NAT10: variants seen among roughly 807,000 people sequenced by gnomAD.
NAT10 encodes RNA cytidine acetyltransferase.
In NAT10, 109 loss-of-function variants were observed where a neutral mutation model predicts 132.2. That is an observed-to-expected ratio of 0.82 (90% CI 0.71 to 0.97). NAT10 has a LOEUF of 0.97. Among genes scored for constraint, NAT10 ranks in the 50% least tolerant of loss-of-function variants. The pLI, the probability that NAT10 is intolerant of heterozygous loss-of-function variation, is 0.00. For synonymous variants in NAT10, 479 were observed against 478.0 expected, an observed-to-expected ratio of 1.00 and a Z score of -0.03; for missense variants, 1,184 against 1,263.4, an observed-to-expected ratio of 0.94 and a Z score of 0.95.
chr11:34,135,085 T>C, intron 18 of NAT10, 90 bp from the exon 19 acceptor site: 2 of 995,916 alleles, frequency 2.0e-6, no homozygotes, highest in East Asian at 2.4e-5. Context: ...GGAGGGAAGG[T>C]TCTCTAGAAG....
rs1565119990 is a variant in NAT10 at position 34,141,191 on chromosome 11, ATCCG to A, written c.2696_2699del (p.Ile899ThrfsTer4). The stretch of plus-strand genomic sequence containing the variant: ...GTTGATGGGACTTTTCAACCGGATC[ATCCG>A]CAAAGTTGTGAAGGTAACCTCAGCC... On this transcript the variant is annotated frameshift_variant, in exon 25 of 29. Transcript: ENST00000257829. LOFTEE classifies it high-confidence loss of function. 6.2e-7 allele frequency: 1 copy of A among 1,614,062 alleles called. No individual in the cohort carries two copies. The highest frequency in any genetic ancestry group is 1.1e-5 in the South Asian group (1 of 91,070).
At chr11:34,108,638 C>T in intron 2 of NAT10, 104 bp from the exon 3 acceptor site, 1 of 1,095,302 alleles carries the variant, frequency 9.1e-7, no homozygotes, top group South Asian at 1.5e-5. Context: ...CTTCCCTTCC[C>T]TGGCCCTCAG....
chr11:34,111,956 G>C, intron 3 of NAT10, 96 bp from the exon 4 acceptor site: 1 of 1,447,822 alleles, frequency 6.9e-7, no homozygotes, highest in Non-Finnish European at 9.5e-7. Flanking sequence ...AGCTCTGAAA[G>C]TCTAAGTGGG....
intron 18 of NAT10, 21 bp from the exon 19 acceptor site, chr11:34,135,154 C>G (rs1448027996): frequency 1.3e-6 from 2 of 1,596,582 alleles, no homozygotes; most frequent in Middle Eastern, 1.7e-4. Context: ...TCGGCCTCTT[C>G]CCCTTCACGT....
chr11:34,109,843 GCTTT>G (rs1302971320), intron 3 of NAT10, among the ~76,000 whole-genome samples: 1 of 152,200 alleles, frequency 6.6e-6, no homozygotes, highest in East Asian at 1.9e-4. Flanking sequence ...CTGCAGACCA[GCTTT>G]CTGTTTTCTG....
At chr11:34,106,588 T>C (rs372037368) in intron 1 of NAT10, among the ~76,000 whole-genome samples, 1 of 152,154 alleles carries the variant, frequency 6.6e-6, no homozygotes, top group African/African-American at 2.4e-5. Context: ...TAATTAGTTG[T>C]TGATTGATTT....
At chr11:34,135,938 G>C (rs1852202150) in intron 19 of NAT10, among the ~76,000 whole-genome samples, 1 of 151,876 alleles carries the variant, frequency 6.6e-6, no homozygotes, top group African/African-American at 2.4e-5. Flanking sequence ...CTCTGGCCTG[G>C]GTGACAGAGC....
At chr11:34,124,463 A>G (rs1851951472) in intron 11 of NAT10, 63 bp downstream of exon 11, 7 of 1,223,274 alleles carry the variant, frequency 5.7e-6, no homozygotes, top group African/African-American at 4.5e-5. Flanking sequence ...AACTGGCTCT[A>G]AGATGTTTCC....
At chr11:34,137,092 T>A in intron 21 of NAT10, 66 bp downstream of exon 21, 1 of 1,566,936 alleles carries the variant, frequency 6.4e-7, no homozygotes, top group South Asian at 1.1e-5. Flanking sequence ...AGGCCTGTCC[T>A]TGCAAAGAGC....
intron 9 of NAT10, 59 bp from the exon 10 acceptor site, chr11:34,123,703 A>G: frequency 4.6e-6 from 6 of 1,308,950 alleles, no homozygotes; most frequent in Non-Finnish European, 6.5e-6. Context: ...TCTTTTTTAA[A>G]TTGTTTCTTT....
rs374071566 is a variant in NAT10, at chr11:34,118,408, G to C, written c.685G>C (p.Gly229Arg). 35 of 1,613,946 alleles carry C rather than the reference G, an allele frequency of 2.2e-5. No homozygotes were observed. In the African/African-American group the frequency reaches 4.3e-4, roughly 20 times the overall value. Residue 229 changes from glycine to arginine, a missense_variant, in exon 8 of 29, where the codon GGT becomes CGT. Physicochemically the swap from Gly to Arg is moderately radical, Grantham distance 125. Transcript: ENST00000257829. ...CTCTCTCTGGTAGGATGAGAGTCTT[G>C]GTCCTTCTGATCTGGAGCTGAGGGA... ...LPPQTPDESLGPSDLELRELK... is the reference protein window; with the variant it reads ...LPPQTPDESLRPSDLELRELK...
At position 34,140,361 on chromosome 11, in the gene NAT10, G is replaced by C. The variant is rs372616384; in HGVS notation, c.2420-39G>C. The C allele has an allele frequency of 6.1e-5, 97 of 1,585,846 alleles. No homozygotes were observed. The Admixed American group carries it at 1.6e-3, about 27-fold the overall frequency. On this transcript the variant is annotated intron_variant, in intron 23 of 28. Transcript: ENST00000257829. The stretch of plus-strand genomic sequence containing the variant: ...CTGTGTGCTATCTCATGAGGGCGCC[G>C]GGTGACCTAACCTGTCTAGCTCTCT...
chr11:34,132,739 C>T (rs1379892695), intron 15 of NAT10, among the ~76,000 whole-genome samples: 1 of 152,200 alleles, frequency 6.6e-6, no homozygotes, highest in Non-Finnish European at 1.5e-5. Flanking sequence ...GTAAAAAGTT[C>T]ACTTCCTAGC....
At chr11:34,141,592 C>T (rs940026753) in intron 25 of NAT10, 127 bp from the exon 26 acceptor site, 10 of 799,070 alleles carry the variant, frequency 1.3e-5, no homozygotes, top group Middle Eastern at 3.0e-4. Context: ...CATTCCTAAA[C>T]TGTAGAGTGT....
At chr11:34,135,628 A>C (rs1852195996) in intron 19 of NAT10, among the ~76,000 whole-genome samples, 1 of 152,150 alleles carries the variant, frequency 6.6e-6, no homozygotes. Context: ...TTCATCCTAC[A>C]CCAGACTAAG....
At position 34,128,488 on chromosome 11, in the gene NAT10, T is replaced by A. The variant is rs1289947394; in HGVS notation, c.1244+889T>A. Reference sequence around the variant, plus strand: ...TTCATTTGAACAAGAAAAACATTTTTAATTTGCATTTTGAATATAACAATA... The same window carrying A: ...TTCATTTGAACAAGAAAAACATTTTAAATTTGCATTTTGAATATAACAATA... On this transcript the variant is annotated intron_variant, in intron 12 of 28. Coordinates refer to ENST00000257829, the MANE Select transcript of NAT10 (RefSeq NM_024662.3). Among the ~76,000 whole-genome samples, 12 of 152,368 alleles carry A rather than the reference T, an allele frequency of 7.9e-5. No individual in the cohort carries two copies. The South Asian group carries it at 2.3e-3, about 29-fold the overall frequency.
intron 8 of NAT10, among the ~76,000 whole-genome samples, chr11:34,120,185 C>T (rs1449214296): frequency 1.9e-5 from 1 of 51,438 alleles, no homozygotes; most frequent in Admixed American, 3.1e-4. Context: ...CTGCTTATTT[C>T]CTCTGCCCAC....
At position 34,141,802 on chromosome 11, in the gene NAT10, C is replaced by G. The variant is rs1332077394; in HGVS notation, c.2796C>G (p.Thr932=). Residue 932 remains threonine, a synonymous_variant, in exon 26 of 29, where the codon ACC becomes ACG. Transcript: ENST00000257829. ...KDVVMEPTMK[T]LSDDLDEAAK... is the part of the protein sequence containing the mutation. Reference sequence around the variant, plus strand: ...TGGTCATGGAGCCCACGATGAAGACCCTCAGTGACGACCTAGTATGTCCCT... The same window carrying G: ...TGGTCATGGAGCCCACGATGAAGACGCTCAGTGACGACCTAGTATGTCCCT... 1 of 1,613,600 alleles carries G rather than the reference C, an allele frequency of 6.2e-7. No individual in the cohort carries two copies. Among genetic ancestry groups the G allele is most frequent in the African/African-American group, 1.3e-5 (1 of 74,896 alleles).
chr11:34,122,339 C>T, intron 8 of NAT10, 120 bp from the exon 9 acceptor site: 1 of 1,320,398 alleles, frequency 7.6e-7, no homozygotes, highest in Non-Finnish European at 1.1e-6. Flanking sequence ...TTCTGGCCTG[C>T]AAGAACTGCC....
Sources: allele counts gnomAD v4.1 joint callset (sites outside exome capture counted in the v4.1 genomes callset), GRCh38; gene constraint gnomAD v4.1.1; transcripts MANE v1.5; gene names NCBI Gene and HGNC (gene_info 2026-07-23, HGNC 2026-07-21).